Variants in SBK1 observed in about 807,000 individuals in gnomAD.
SBK1 encodes SH3 domain binding kinase 1, also known as serine/threonine-protein kinase SBK1.
In SBK1, 11 loss-of-function variants were observed where a neutral mutation model predicts 24.4. The observed-to-expected ratio is 0.45, with a 90% CI of 0.28 to 0.75. The LOEUF (loss-of-function observed/expected upper bound fraction) is 0.75. Among genes scored for constraint, SBK1 ranks in the 30% least tolerant of loss-of-function variants. The pLI, the probability that SBK1 is intolerant of heterozygous loss-of-function variation, is 0.12. For synonymous variants in SBK1, 308 were observed against 284.4 expected (o/e 1.08, Z -0.83); for missense variants, 467 against 620.5 (o/e 0.75, Z 2.63).
intron 1 of SBK1, among the ~76,000 whole-genome samples, chr16:28,297,928 G>T (rs1281220901): frequency 6.6e-6 from 1 of 152,172 alleles, no homozygotes; most frequent in African/African-American, 2.4e-5. Context: ...GGCCCTTCCT[G>T]AGCCTCTTCT....
At position 28,317,720 on chromosome 16, in the gene SBK1, T is replaced by C; in HGVS notation, c.226+103T>C. On this transcript the variant is annotated intron_variant, in intron 2 of 3. Coordinates refer to ENST00000341901, the MANE Select transcript of SBK1 (RefSeq NM_001024401.3). This position sits in a 1 kb window ranked among gnomAD's most constrained non-coding sequence, Gnocchi z 4.2. ...TTGCAGCTGGGCCGGGGCTCTCTGG[T>C]GCTCTGTGGAAGCCAGGAGGCAGGG... 1 of 803,746 alleles carries C rather than the reference T, an allele frequency of 1.2e-6. No individual in the cohort carries two copies. Among genetic ancestry groups the C allele is most frequent in the Admixed American group, 2.1e-5 (1 of 48,174 alleles). The allele number at this position is 803,746 out of a possible 1,614,324, so 49.8% of individuals were successfully genotyped here. A position where few individuals can be genotyped will look rare whatever the true frequency, so the allele number is the denominator to read the frequency against.
intron 1 of SBK1, among the ~76,000 whole-genome samples, chr16:28,270,778 A>T (rs1567670074): frequency 6.6e-6 from 1 of 151,944 alleles, no homozygotes; most frequent in Non-Finnish European, 1.5e-5. Flanking sequence ...AGTAGAAAAA[A>T]CAATATTTTC....
chr16:28,282,860 T>C (rs928526689), intron 1 of SBK1, among the ~76,000 whole-genome samples: 7 of 152,198 alleles, frequency 4.6e-5, no homozygotes, highest in African/African-American at 1.4e-4. Flanking sequence ...TGAGGAAATA[T>C]AGTGACTGTA....
intron 1 of SBK1, among the ~76,000 whole-genome samples, chr16:28,279,532 G>A (rs544153447): frequency 3.4e-4 from 51 of 151,960 alleles, no homozygotes; most frequent in Non-Finnish European, 6.3e-4. Context: ...AATTTCTCTG[G>A]GTCCCGCATT....
rs981353115 is a variant in SBK1, at chr16:28,323,712, C to T, written c.*2791C>T. 8 of 152,798 alleles carry T rather than the reference C, an allele frequency of 5.2e-5. No individual in the cohort carries two copies. The highest frequency in any genetic ancestry group is 1.0e-4 in the Non-Finnish European group (7 of 68,072). 9.5% of individuals were successfully genotyped at this position (152,798 alleles called of 1,614,324 possible). A position where few individuals can be genotyped will look rare whatever the true frequency, so the allele number is the denominator to read the frequency against. On this transcript the variant is annotated 3_prime_UTR_variant, in exon 4 of 4. Transcript: ENST00000341901. ...AGTCCTAGCCCCAGAGCCCCAGCCCCTCATGTCTTGCCGCCCTTCCTCCAT... is the reference window on the plus strand; with the variant it reads ...AGTCCTAGCCCCAGAGCCCCAGCCCTTCATGTCTTGCCGCCCTTCCTCCAT...
chr16:28,275,962 G>A (rs996099142), intron 1 of SBK1, among the ~76,000 whole-genome samples: 1 of 152,084 alleles, frequency 6.6e-6, no homozygotes, highest in African/African-American at 2.4e-5. Context: ...AGAATGAGGA[G>A]GACGGAGTGG....
chr16:28,321,448 C>G lies in SBK1; in HGVS notation c.*527C>G, dbSNP rs1239429925. The stretch of plus-strand genomic sequence containing the variant: ...TGTTGGGCAGAGAGGGGGCTTAAGG[C>G]CCCTGGGCACAGGCTGGGATCAGGG... On this transcript the variant is annotated 3_prime_UTR_variant, in exon 4 of 4. Transcript: ENST00000341901. The G allele has an allele frequency of 6.5e-6, 1 of 153,028 alleles. No individual in the cohort carries two copies. The highest frequency in any genetic ancestry group is 2.4e-5 in the African/African-American group (1 of 41,440). 9.5% of individuals were successfully genotyped at this position (153,028 alleles called of 1,614,324 possible). A position where few individuals can be genotyped will look rare whatever the true frequency, so the allele number is the denominator to read the frequency against.
intron 1 of SBK1, among the ~76,000 whole-genome samples, chr16:28,275,240 G>A (rs1260511175): frequency 6.6e-6 from 1 of 152,038 alleles, no homozygotes; most frequent in African/African-American, 2.4e-5. Context: ...TGAGGCGGGA[G>A]GATTGCTACA....
rs141205414 is a variant in SBK1 at position 28,282,388 on chromosome 16, C to T, written c.257+22886C>T. On this transcript the variant is annotated intron_variant, in intron 1 of 3. Transcript: ENST00000671413. ...GAAGGAGCCTGAGCACCAGCTGGCT[C>T]TCAGCTCACTCAGCTCCCGTCACCC... is the stretch of plus-strand genomic sequence containing the variant. Among the ~76,000 whole-genome samples, 323 of 152,224 alleles carry T rather than the reference C, an allele frequency of 2.1e-3. 1 individual carries two copies. The highest frequency in any genetic ancestry group is 7.3e-3 in the African/African-American group (302 of 41,534).
chr16:28,307,596 C>T (rs959916189), intron 1 of SBK1, among the ~76,000 whole-genome samples: 19 of 151,736 alleles, frequency 1.3e-4, no homozygotes, highest in African/African-American at 4.4e-4. Context: ...AAAAATTAGC[C>T]GGGCGTGGTG....
intron 1 of SBK1, among the ~76,000 whole-genome samples, chr16:28,312,720 C>G (rs1045325087): frequency 1.3e-5 from 2 of 152,190 alleles, no homozygotes; most frequent in African/African-American, 4.8e-5. Context: ...GGCAAGGAGG[C>G]CAAGTACAGT....
chr16:28,303,576 G>A (rs1283826394), intron 1 of SBK1, among the ~76,000 whole-genome samples: 4 of 124,902 alleles, frequency 3.2e-5, no homozygotes, highest in Non-Finnish European at 3.1e-5. Flanking sequence ...GTGCAGTGGT[G>A]CAATCATAGC....
upstream of SBK1, among the ~76,000 whole-genome samples, chr16:28,289,389 G>A (rs2141573097): frequency 6.6e-6 from 1 of 152,322 alleles, no homozygotes; most frequent in Middle Eastern, 3.4e-3. Flanking sequence ...GTTCTTAGAA[G>A]AGAACTTGTT....
At chr16:28,279,332 G>A (rs1430785900) in intron 1 of SBK1, among the ~76,000 whole-genome samples, 9 of 149,800 alleles carry the variant, frequency 6.0e-5, no homozygotes, top group African/African-American at 2.0e-4. Flanking sequence ...CCCAAAGTTC[G>A]AGGCTGCAGT....
At chr16:28,268,954 T>C (rs1444010554) in intron 1 of SBK1, among the ~76,000 whole-genome samples, 1 of 151,948 alleles carries the variant, frequency 6.6e-6, no homozygotes, top group African/African-American at 2.4e-5. Flanking sequence ...GCTCAACTGC[T>C]GTGGCAGATC....
At chr16:28,260,605 C>G (rs919278173) in intron 1 of SBK1, among the ~76,000 whole-genome samples, 1 of 152,206 alleles carries the variant, frequency 6.6e-6, no homozygotes, top group Non-Finnish European at 1.5e-5. Context: ...TCTGGGTGCA[C>G]AGTTCCCGCT....
intron 1 of SBK1, among the ~76,000 whole-genome samples, chr16:28,308,456 T>C (rs2044731706): frequency 3.6e-5 from 4 of 110,578 alleles, no homozygotes; most frequent in Non-Finnish European, 7.6e-5. Flanking sequence ...TGGGCTTTTT[T>C]TTTTTTTTTT....
chr16:28,310,889 C>T (rs893589500), intron 1 of SBK1, among the ~76,000 whole-genome samples: 12 of 152,128 alleles, frequency 7.9e-5, no homozygotes, highest in Admixed American at 2.6e-4. Context: ...AAAAAAGTGG[C>T]GCACATTAGG....
rs1010979914 is a variant in SBK1 at position 28,264,924 on chromosome 16, G to T, written c.257+5422G>T. On this transcript the variant is annotated intron_variant, in intron 1 of 3. Coordinates refer to the SBK1 transcript ENST00000671413. ...ACGGAAACCAAGGAAGTGTCGCGAG[G>T]AGAGGGGGCGTGGTCCACCTGCTTC... Among the ~76,000 whole-genome samples, 13 of 152,178 alleles carry T rather than the reference G, an allele frequency of 8.5e-5. No homozygotes were observed. In the East Asian group the frequency reaches 2.5e-3, roughly 30 times the overall value.
Sources: allele counts gnomAD v4.1 joint callset (sites outside exome capture counted in the v4.1 genomes callset), GRCh38; gene constraint gnomAD v4.1.1; non-coding constraint Gnocchi (gnomAD v3.1); transcripts MANE v1.5; gene names NCBI Gene and HGNC (gene_info 2026-07-23, HGNC 2026-07-21).